The following SESN1 variants were observed in gnomAD, a reference collection of about 807,000 sequenced individuals.
SESN1 encodes sestrin-1.
A neutral mutation model predicts 59.3 loss-of-function variants in SESN1; 30 were observed. The ratio of observed to expected loss-of-function variants is 0.51; its 90% CI spans 0.38 to 0.69. SESN1 has a LOEUF of 0.69. SESN1 is among the 30% of genes least tolerant of loss of function. The probability of loss-of-function intolerance (pLI) is 0.00; values close to 1 mark genes in which losing one functional copy is unlikely to be tolerated. For missense variants in SESN1, 566 were observed against 673.0 expected (o/e 0.84, Z 1.76); for synonymous variants, 197 against 219.9 (o/e 0.90, Z 0.92).
intron 1 of SESN1, among the ~76,000 whole-genome samples, chr6:109,026,420 T>G (rs1197695621): frequency 2.6e-5 from 4 of 152,218 alleles, no homozygotes; most frequent in Non-Finnish European, 4.4e-5. Flanking sequence ...CTGTACGAAT[T>G]CTGAATAGCT....
intron 1 of SESN1, among the ~76,000 whole-genome samples, chr6:109,028,794 G>A (rs530135369): frequency 1.3e-5 from 2 of 152,168 alleles, no homozygotes; most frequent in African/African-American, 4.8e-5. Flanking sequence ...CAGTGCACTG[G>A]AAAAAGAGAC....
chr6:108,987,278 AAC>A lies in SESN1; in HGVS notation c.*264_*265del. The A allele has an allele frequency of 2.9e-6, 1 of 340,824 alleles. No homozygotes were observed. The highest frequency in any genetic ancestry group is 5.3e-6 in the Non-Finnish European group (1 of 189,234). 21.1% of individuals were successfully genotyped at this position (340,824 alleles called of 1,614,324 possible). On this transcript the variant is annotated 3_prime_UTR_variant, in exon 10 of 10. Coordinates refer to ENST00000436639, the MANE Select transcript of SESN1 (RefSeq NM_014454.3). ...GGAGAGTTACTATTTGCTGTATTAAAACAGTTACACAGCATCTTGTACTGTCA... is the reference window on the plus strand; with the variant it reads ...GGAGAGTTACTATTTGCTGTATTAAAAGTTACACAGCATCTTGTACTGTCA...
intron 8 of SESN1, among the ~76,000 whole-genome samples, chr6:108,988,923 C>T (rs764688343): frequency 6.6e-6 from 1 of 152,100 alleles, no homozygotes; most frequent in Non-Finnish European, 1.5e-5. Flanking sequence ...GTAAATCATT[C>T]CTGAAAGCTG....
rs144657497 is a variant in SESN1, at chr6:108,985,560, T to G, written c.*1984A>C. ...TTTGTATCACATGCACTTTTATTAC[T>G]TTAGGTATAAACATATTTTTTAACT... On this transcript the variant is annotated 3_prime_UTR_variant, in exon 10 of 10. Coordinates refer to ENST00000436639, the MANE Select transcript of SESN1 (RefSeq NM_014454.3). Among the ~76,000 whole-genome samples, 1 of 152,342 alleles carries G rather than the reference T, an allele frequency of 6.6e-6. No homozygotes were observed. The highest frequency in any genetic ancestry group is 2.4e-5 in the African/African-American group (1 of 41,576).
At chr6:109,006,898 G>T (rs1377435238) in intron 1 of SESN1, among the ~76,000 whole-genome samples, 2 of 152,178 alleles carry the variant, frequency 1.3e-5, no homozygotes, top group African/African-American at 4.8e-5. Context: ...ATCTGTAGCT[G>T]TAAGAAACTT....
intron 1 of SESN1, among the ~76,000 whole-genome samples, chr6:109,020,912 T>G (rs1299839991): frequency 1.3e-5 from 2 of 152,210 alleles, no homozygotes; most frequent in African/African-American, 4.8e-5. Context: ...ATTTGATGGT[T>G]GTAGTTCCCT....
chr6:109,019,034 C>A (rs530479802), intron 1 of SESN1, among the ~76,000 whole-genome samples: 2 of 152,278 alleles, frequency 1.3e-5, no homozygotes, highest in African/African-American at 4.8e-5. Flanking sequence ...AATAGCCCCA[C>A]TGTTTTCACT....
At chr6:109,008,750 C>T in intron 1 of SESN1, 8 of 982,960 alleles carry the variant, frequency 8.1e-6, no homozygotes, top group Non-Finnish European at 8.5e-6. Context: ...AATTAAGTAC[C>T]TCTTTCTAAA....
intron 1 of SESN1, among the ~76,000 whole-genome samples, chr6:109,054,439 A>G (rs1780595085): frequency 6.6e-6 from 1 of 152,156 alleles, no homozygotes; most frequent in Admixed American, 6.5e-5. Context: ...TTAGAGCTCT[A>G]TTGTGAAGAA....
rs757187967 is a variant in SESN1 at position 108,988,644 on chromosome 6, G to A, written c.1468C>T (p.Arg490Cys). Residue 490 changes from arginine (R) to cysteine (C), a missense_variant, in exon 9 of 10, where the codon CGT (arginine) becomes TGT (cysteine). Coordinates refer to ENST00000436639, the MANE Select transcript of SESN1 (RefSeq NM_014454.3). ...GTTTTGATATAAACTTTAAAGCTAC[G>A]ATCCAATAGCTGGTTAATTTCACCA... ...DYGEINQLLDRSFKVYIKTVV... is the reference protein window; with the variant it reads ...DYGEINQLLDCSFKVYIKTVV... The A allele has an allele frequency of 3.0e-5, 49 of 1,610,176 alleles. 1 individual carries two copies. The highest frequency in any genetic ancestry group is 3.3e-5 in the South Asian group (3 of 90,584).
intron 1 of SESN1, among the ~76,000 whole-genome samples, chr6:109,049,036 CAAACACCTGTAG>C: frequency 6.6e-6 from 1 of 152,278 alleles, no homozygotes; most frequent in Admixed American, 6.5e-5. Flanking sequence ...TAGCTTTCAA[CAAACACCTGTAG>C]AACATGTGTA....
chr6:109,050,545 C>A (rs540730139), intron 1 of SESN1, among the ~76,000 whole-genome samples: 1 of 152,270 alleles, frequency 6.6e-6, no homozygotes, highest in South Asian at 2.1e-4. Flanking sequence ...GTCTGAAAGA[C>A]TGATGAAATT....
At chr6:109,035,470 C>G (rs1312623649) in intron 1 of SESN1, among the ~76,000 whole-genome samples, 1 of 151,640 alleles carries the variant, frequency 6.6e-6, no homozygotes, top group Non-Finnish European at 1.5e-5. Context: ...TAGGAAGAAC[C>G]TTAGTACTGG....
intron 1 of SESN1, among the ~76,000 whole-genome samples, chr6:109,050,027 TAAC>T (rs1183907898): frequency 6.6e-6 from 1 of 152,168 alleles, no homozygotes; most frequent in Non-Finnish European, 1.5e-5. Flanking sequence ...AGTAAAGGAA[TAAC>T]AACTGATTTT....
In SESN1 at chr6:109,000,643, C is replaced by A; in HGVS notation, c.577G>T (p.Val193Leu). The stretch of plus-strand genomic sequence containing the variant: ...AGGAAATCATTTACATGCAGGTTCA[C>A]TAAGTAGGAGCACTGATGTCTTGCC... ...AAARHQCSYLVNLHVNDFLHV... is the reference protein window; with the variant it reads ...AAARHQCSYLLNLHVNDFLHV... The change falls in exon 4 of 10, where the codon GTG becomes TTG. Residue 193 changes from valine to leucine, a missense_variant. Physicochemically the swap from Val to Leu is conservative, Grantham distance 32. Coordinates refer to ENST00000436639, the MANE Select transcript of SESN1 (RefSeq NM_014454.3). 1 of 1,608,736 alleles carries A rather than the reference C, an allele frequency of 6.2e-7. No homozygotes were observed. The highest frequency in any genetic ancestry group is 8.5e-7 in the Non-Finnish European group (1 of 1,177,140).
At chr6:108,991,528 C>G (rs1237087973) in intron 7 of SESN1, among the ~76,000 whole-genome samples, 1 of 152,180 alleles carries the variant, frequency 6.6e-6, no homozygotes, top group African/African-American at 2.4e-5. Context: ...ACGTGGGAGC[C>G]ACCAGATCTG....
chr6:109,061,305 A>C (rs1044789939), intron 1 of SESN1, among the ~76,000 whole-genome samples: 12 of 152,204 alleles, frequency 7.9e-5, no homozygotes, highest in African/African-American at 2.9e-4. Flanking sequence ...TTGACCAAAA[A>C]ATTTTTTTCA....
chr6:109,021,139 A>G (rs1225216177), intron 1 of SESN1, among the ~76,000 whole-genome samples: 1 of 151,992 alleles, frequency 6.6e-6, no homozygotes, highest in African/African-American at 2.4e-5. Context: ...GACTACAGGC[A>G]TGCCACCATG....
chr6:109,064,498 A>T (rs894743714), intron 1 of SESN1, among the ~76,000 whole-genome samples: 1 of 149,000 alleles, frequency 6.7e-6, no homozygotes, highest in Non-Finnish European at 1.5e-5. Context: ...TCTGAAAGCC[A>T]CAGTTCATCA....
Sources: allele counts gnomAD v4.1 joint callset (sites outside exome capture counted in the v4.1 genomes callset), GRCh38; gene constraint gnomAD v4.1.1; transcripts MANE v1.5; gene names NCBI Gene and HGNC (gene_info 2026-07-23, HGNC 2026-07-21).